Variants in PATJ observed in about 807,000 individuals in gnomAD.
PATJ encodes the protein PATJ crumbs cell polarity complex component, also known as inaD-like protein.
A neutral mutation model predicts 224.9 loss-of-function variants in PATJ; 190 were observed. The observed-to-expected ratio is 0.84, with a 90% CI of 0.75 to 0.95. The LOEUF (loss-of-function observed/expected upper bound fraction) is 0.95, where lower values mean the gene tolerates loss of function less well. Ranked by LOEUF, PATJ falls within the 40% of genes least tolerant of loss-of-function variation. PATJ has a pLI of 0.00. For missense variants in PATJ, 2,121 were observed against 2,270.3 expected, an observed-to-expected ratio of 0.93 and a Z score of 1.34; for synonymous variants, 769 against 820.3, an observed-to-expected ratio of 0.94 and a Z score of 1.07.
At chr1:62,055,252 C>T (rs755074062) in intron 31 of PATJ, among the ~76,000 whole-genome samples, 2 of 152,048 alleles carry the variant, frequency 1.3e-5, no homozygotes, top group African/African-American at 2.4e-5. Context: ...TTCAGAAAGC[C>T]TCATGATGTC....
At chr1:61,874,222 G>T in intron 20 of PATJ, among the ~76,000 whole-genome samples, 1 of 126,684 alleles carries the variant, frequency 7.9e-6, no homozygotes, top group Non-Finnish European at 1.7e-5. Flanking sequence ...ATTTATTTTT[G>T]AGACAGTGTC....
intron 31 of PATJ, among the ~76,000 whole-genome samples, chr1:62,053,442 G>A (rs554586712): frequency 7.2e-5 from 11 of 152,128 alleles, no homozygotes; most frequent in Admixed American, 5.2e-4. Flanking sequence ...GTGTCTGGCC[G>A]GGCACAGTGG....
intron 33 of PATJ, among the ~76,000 whole-genome samples, chr1:62,106,713 C>T (rs1252380796): frequency 2.6e-5 from 4 of 152,112 alleles, no homozygotes; most frequent in African/African-American, 9.7e-5. Context: ...TGATGACGCC[C>T]CTGTGGTCAT....
intron 43 of PATJ, among the ~76,000 whole-genome samples, chr1:62,159,394 G>T (rs1379777459): frequency 6.6e-6 from 1 of 152,004 alleles, no homozygotes; most frequent in Non-Finnish European, 1.5e-5. Context: ...ATTTCACCAT[G>T]TTGGCCAGTC....
At chr1:61,759,179 T>C (rs1165748927) in intron 1 of PATJ, among the ~76,000 whole-genome samples, 1 of 152,208 alleles carries the variant, frequency 6.6e-6, no homozygotes, top group Non-Finnish European at 1.5e-5. Context: ...TCATAAACTT[T>C]CTTAAAACAT....
intron 28 of PATJ, among the ~76,000 whole-genome samples, chr1:62,013,168 T>C (rs1646553316): frequency 6.6e-6 from 1 of 152,256 alleles, no homozygotes; most frequent in South Asian, 2.1e-4. Flanking sequence ...AACGATCTGC[T>C]TTCTTCATTT....
At chr1:62,060,378 AT>A (rs1336265715) in intron 31 of PATJ, among the ~76,000 whole-genome samples, 1 of 151,490 alleles carries the variant, frequency 6.6e-6, no homozygotes, top group East Asian at 1.9e-4. Context: ...TTTTTTATTT[AT>A]TTTTTGAGAC....
chr1:62,026,636 G>A (rs916790636), intron 29 of PATJ, among the ~76,000 whole-genome samples: 1 of 152,114 alleles, frequency 6.6e-6, no homozygotes, highest in African/African-American at 2.4e-5. Context: ...TGATAAAACG[G>A]TATTTTGTTG....
chr1:61,996,151 T>C (rs1645340864), intron 28 of PATJ, among the ~76,000 whole-genome samples: 1 of 152,218 alleles, frequency 6.6e-6, no homozygotes, highest in South Asian at 2.1e-4. Flanking sequence ...TTAAGAATCA[T>C]GAAAAATCAA....
intron 41 of PATJ, among the ~76,000 whole-genome samples, chr1:62,132,760 C>T (rs1474176652): frequency 1.3e-5 from 2 of 151,920 alleles, no homozygotes; most frequent in Non-Finnish European, 2.9e-5. Context: ...AAAAATTAGT[C>T]GTGCATAGTG....
intron 1 of PATJ, among the ~76,000 whole-genome samples, chr1:61,747,385 G>A (rs1252992485): frequency 2.0e-5 from 3 of 152,142 alleles, no homozygotes; most frequent in Non-Finnish European, 4.4e-5. Flanking sequence ...AAAGTTTGGA[G>A]ACAAGGAATT....
intron 1 of PATJ, among the ~76,000 whole-genome samples, chr1:61,751,154 A>G (rs1315584405): frequency 1.3e-5 from 2 of 151,984 alleles, no homozygotes; most frequent in African/African-American, 2.4e-5. Flanking sequence ...GGTGTGCACA[A>G]TGACACCTGG....
chr1:61,945,534 G>C (rs533524178), intron 27 of PATJ, among the ~76,000 whole-genome samples: 4 of 152,062 alleles, frequency 2.6e-5, no homozygotes, highest in East Asian at 1.9e-4. Context: ...GCTAACTATC[G>C]TAAATATATA....
At position 61,809,261 on chromosome 1, in the gene PATJ, T is replaced by C. The variant is rs532949567; in HGVS notation, c.1683+731T>C. Among the ~76,000 whole-genome samples the C allele has an allele frequency of 5.9e-5, 9 of 152,296 alleles. No individual in the cohort carries two copies. In the South Asian group the frequency reaches 1.9e-3, roughly 32 times the overall value. ...GCCTTGTAGGCGGCCTCCTCAACAATTGATAAGAAAGGAAAGATGTTCTTG... is the reference window on the plus strand; with the variant it reads ...GCCTTGTAGGCGGCCTCCTCAACAACTGATAAGAAAGGAAAGATGTTCTTG... On this transcript the variant is annotated intron_variant, in intron 14 of 43. Transcript: ENST00000642238.
intron 22 of PATJ, among the ~76,000 whole-genome samples, chr1:61,897,253 G>A (rs1670505100): frequency 6.6e-6 from 1 of 152,172 alleles, no homozygotes; most frequent in South Asian, 2.1e-4. Context: ...TAATATAGTT[G>A]CAAAGAACAA....
At chr1:62,098,439 A>G (rs1029326665) in intron 33 of PATJ, among the ~76,000 whole-genome samples, 1 of 151,964 alleles carries the variant, frequency 6.6e-6, no homozygotes, top group Non-Finnish European at 1.5e-5. Flanking sequence ...TATTAAAAAT[A>G]CAAAAATTAG....
At chr1:61,775,413 A>G in intron 7 of PATJ, 79 bp downstream of exon 7, 1 of 1,254,582 alleles carries the variant, frequency 8.0e-7, no homozygotes, top group South Asian at 1.4e-5. Flanking sequence ...TTATAACATG[A>G]GTTACCAGGA....
At chr1:61,910,566 G>C (rs1192708956) in intron 25 of PATJ, among the ~76,000 whole-genome samples, 1 of 13,760 alleles carries the variant, frequency 7.3e-5, no homozygotes, top group Non-Finnish European at 2.2e-4. Context: ...TTTTTTTTTG[G>C]AGACAGGGTC....
intron 6 of PATJ, among the ~76,000 whole-genome samples, chr1:61,773,836 A>C (rs1019497229): frequency 4.0e-5 from 6 of 150,108 alleles, no homozygotes; most frequent in Non-Finnish European, 8.9e-5. Context: ...TACAAAAGAT[A>C]ATGGCCGGGC....
Sources: gnomAD v4.1 joint callset for allele counts (sites outside exome capture counted in the v4.1 genomes callset) on GRCh38, gnomAD v4.1.1 for gene constraint, MANE v1.5 for transcripts, NCBI Gene and HGNC (gene_info 2026-07-23, HGNC 2026-07-21) for gene names.